Variants in MCM8 observed in about 807,000 individuals in gnomAD.
The protein encoded by MCM8 is minichromosome maintenance 8 homologous recombination repair factor.
In MCM8, 85 loss-of-function variants were observed where a neutral mutation model predicts 98.9. The ratio of observed to expected loss-of-function variants is 0.86; its 90% CI spans 0.72 to 1.03. MCM8 has a LOEUF of 1.03. Among genes scored for constraint, MCM8 ranks in the 50% least tolerant of loss-of-function variants. The pLI is 0.00. For synonymous variants in MCM8, 352 were observed against 338.6 expected (o/e 1.04, Z -0.44); for missense variants, 951 against 997.8 (o/e 0.95, Z 0.63).
At chr20:5,951,097 T>C (rs6107723) in intron 1 of MCM8, 74 bp downstream of exon 1, 4,012 of 152,322 alleles carry the variant, frequency 0.026, 83 homozygotes, top group Non-Finnish European at 0.042. Flanking sequence ...TGTTTCTTTT[T>C]ACTCTTTCTC....
At chr20:5,990,849 A>AT (rs2089836627) in intron 17 of MCM8, 1 of 152,190 alleles carries the variant, frequency 6.6e-6, no homozygotes, top group Admixed American at 6.5e-5. Flanking sequence ...ACAGTCTAGA[A>AT]TGTGTGCATC....
intron 14 of MCM8, among the ~76,000 whole-genome samples, chr20:5,984,423 A>T (rs1422876062): frequency 6.6e-6 from 1 of 152,188 alleles, no homozygotes; most frequent in African/African-American, 2.4e-5. Flanking sequence ...AATCCAGCAG[A>T]CTTGGATTCT....
Position 5,986,076 on chromosome 20 carries a change from TAA to T in MCM8, c.2110_2111del (p.Asn704Ter). 1 of 1,614,222 alleles carries T rather than the reference TAA, an allele frequency of 6.2e-7. No individual in the cohort carries two copies. The highest frequency in any genetic ancestry group is 8.5e-7 in the Non-Finnish European group (1 of 1,180,038). On this transcript the variant is annotated frameshift_variant, in exon 16 of 19. Transcript: ENST00000610722. LOFTEE classifies it high-confidence loss of function. ...GAGCTCCGGAAACAGAGCCAGAGGT[TAA>T]ATAGCTCACCAATCACTACCAGGCA...
At chr20:5,977,721 TATA>T (rs34729681) in intron 12 of MCM8, among the ~76,000 whole-genome samples, 152 bp from the exon 13 acceptor site, 3,206 of 152,332 alleles carry the variant, frequency 0.021, 46 homozygotes, top group Non-Finnish European at 0.034. Context: ...TAAATCAGGA[TATA>T]ATAATACCTT....
At chr20:5,951,537 AC>A (rs2088823452) in intron 1 of MCM8, among the ~76,000 whole-genome samples, 1 of 152,218 alleles carries the variant, frequency 6.6e-6, no homozygotes, top group African/African-American at 2.4e-5. Context: ...GAAAAACTGC[AC>A]AAAAAATGGA....
chr20:5,983,795 GT>G (rs2089677739), intron 14 of MCM8, among the ~76,000 whole-genome samples: 1 of 152,148 alleles, frequency 6.6e-6, no homozygotes, highest in South Asian at 2.1e-4. Context: ...TGCACATTCT[GT>G]TTGTTATAGC....
At chr20:5,966,734 T>A (rs1318338412) in intron 8 of MCM8, among the ~76,000 whole-genome samples, 1 of 152,160 alleles carries the variant, frequency 6.6e-6, no homozygotes, top group Non-Finnish European at 1.5e-5. Flanking sequence ...TATGAATGTG[T>A]TTTTGAATTG....
At chr20:5,985,172 G>A (rs184152816) in intron 15 of MCM8, among the ~76,000 whole-genome samples, 172 bp downstream of exon 15, 696 of 152,232 alleles carry the variant, frequency 4.6e-3, no homozygotes, top group Non-Finnish European at 7.1e-3. Context: ...TCGGCCTGGC[G>A]TGGTGGCTTA....
intron 6 of MCM8, among the ~76,000 whole-genome samples, chr20:5,958,004 A>ATT (rs11399100): frequency 6.6e-6 from 1 of 151,952 alleles, no homozygotes; most frequent in African/African-American, 2.4e-5. Flanking sequence ...TTTTCCTTAA[A>ATT]TTTCTTTTTT....
intron 10 of MCM8, 123 bp downstream of exon 10, chr20:5,968,148 C>T: frequency 1.5e-6 from 1 of 660,540 alleles, no homozygotes; most frequent in Non-Finnish European, 2.6e-6. Context: ...AAATACAGTA[C>T]TCCATCCCCT....
intron 5 of MCM8, among the ~76,000 whole-genome samples, chr20:5,955,866 C>T (rs1322017781): frequency 6.6e-6 from 1 of 152,044 alleles, no homozygotes; most frequent in Non-Finnish European, 1.5e-5. Context: ...GCAACCTCTG[C>T]CTCCCGGGTT....
At chr20:5,980,066 C>T (rs765521255) in intron 13 of MCM8, among the ~76,000 whole-genome samples, 6 of 152,152 alleles carry the variant, frequency 3.9e-5, no homozygotes, top group Non-Finnish European at 8.8e-5. Context: ...AATGTTCTTA[C>T]CCCAGATAGA....
At chr20:5,952,605 A>G in intron 3 of MCM8, 77 bp downstream of exon 3, 1 of 1,158,334 alleles carries the variant, frequency 8.6e-7, no homozygotes, top group East Asian at 2.4e-5. Context: ...ATCTTGTATT[A>G]CTGTAATTCA....
At position 5,995,827 on chromosome 20, in the gene MCM8, C is replaced by G. The variant is rs111979716; in HGVS notation, c.*1436C>G. On this transcript the variant is annotated 3_prime_UTR_variant, in exon 19 of 19. Transcript: ENST00000610722. Reference sequence around the variant, plus strand: ...GAAATGTGAACCATTGTTGGAGAATCTACTAAAATACGGCTTCCCGCAAAC... The same window carrying G: ...GAAATGTGAACCATTGTTGGAGAATGTACTAAAATACGGCTTCCCGCAAAC... The G allele has an allele frequency of 3.9e-5, 6 of 152,158 alleles. No individual in the cohort carries two copies. Among genetic ancestry groups the G allele is most frequent in the Non-Finnish European group, 5.9e-5 (4 of 68,030 alleles). 9.4% of individuals were successfully genotyped at this position (152,158 alleles called of 1,614,324 possible).
Position 5,996,206 on chromosome 20 carries a change from T to G in MCM8, c.*1815T>G, listed in dbSNP as rs2089954800. Reference sequence around the variant, plus strand: ...AGGAAATCACTTGAGCCCGAGAGTTTGAGGTTACAGTGAGCTATGATTATA... The same window carrying G: ...AGGAAATCACTTGAGCCCGAGAGTTGGAGGTTACAGTGAGCTATGATTATA... On this transcript the variant is annotated 3_prime_UTR_variant, in exon 19 of 19. Coordinates refer to ENST00000610722, the MANE Select transcript of MCM8 (RefSeq NM_032485.6). The G allele has an allele frequency of 6.6e-6, 1 of 151,996 alleles. No homozygotes were observed. Among genetic ancestry groups the G allele is most frequent in the Non-Finnish European group, 1.5e-5 (1 of 68,048 alleles). 9.4% of individuals were successfully genotyped at this position (151,996 alleles called of 1,614,324 possible).
At position 5,997,692 on chromosome 20, in the gene MCM8, C is replaced by G. The variant is rs930653936; in HGVS notation, c.*3301C>G. 11 of 152,278 alleles carry G rather than the reference C, an allele frequency of 7.2e-5. No individual in the cohort carries two copies. The highest frequency in any genetic ancestry group is 2.7e-4 in the African/African-American group (11 of 41,444). 9.4% of individuals were successfully genotyped at this position (152,278 alleles called of 1,614,324 possible). A position where few individuals can be genotyped will look rare whatever the true frequency, so the allele number is the denominator to read the frequency against. ...TGCAGTGACATGATCAAGCCGTGAT[C>G]TCCTGGGCTCAAGCAATCCTCCTAC... On this transcript the variant is annotated 3_prime_UTR_variant, in exon 19 of 19. Transcript: ENST00000610722.
At position 5,959,218 on chromosome 20, in the gene MCM8, T is replaced by TTA. The variant is rs1402590387; in HGVS notation, c.789+494_789+495dup. Among the ~76,000 whole-genome samples the TTA allele has an allele frequency of 2.0e-5, 3 of 152,340 alleles. No individual in the cohort carries two copies. The East Asian group carries it at 5.8e-4, about 29-fold the overall frequency. ...GTGCAGAGAATAATGTAATTAACAT[T>TTA]TATCTACTCTATGATTTGGCAAATA... On this transcript the variant is annotated intron_variant, in intron 7 of 18. Coordinates refer to ENST00000610722, the MANE Select transcript of MCM8 (RefSeq NM_032485.6).
chr20:5,974,749 A>G (rs1458847240), intron 12 of MCM8, among the ~76,000 whole-genome samples: 2 of 152,190 alleles, frequency 1.3e-5, no homozygotes, highest in Non-Finnish European at 2.9e-5. Flanking sequence ...ACTGTCCTTC[A>G]TATCTGAGTC....
chr20:5,991,442 G>T (rs2089849703), intron 17 of MCM8: 1 of 152,052 alleles, frequency 6.6e-6, no homozygotes, highest in Non-Finnish European at 1.5e-5. Context: ...ATTTGAACAA[G>T]TTTCAGATCA....
Sources: allele counts gnomAD v4.1 joint callset (sites outside exome capture counted in the v4.1 genomes callset), GRCh38; gene constraint gnomAD v4.1.1; transcripts MANE v1.5; gene names NCBI Gene and HGNC (gene_info 2026-07-23, HGNC 2026-07-21).